NAT1: variants seen among roughly 807,000 people sequenced by gnomAD.
The protein encoded by NAT1 is N-acetyltransferase 1.
For synonymous variants in NAT1, 144 were observed against 122.6 expected (o/e 1.17, Z -1.16); for missense variants, 400 against 339.2 (o/e 1.18, Z -1.41).
At chr8:18,195,011 T>C (rs1027589247) in intron 2 of NAT1, among the ~76,000 whole-genome samples, 9 of 152,110 alleles carry the variant, frequency 5.9e-5, no homozygotes, top group African/African-American at 2.2e-4. Flanking sequence ...GTCATCCAAA[T>C]TGCTAGCAGT....
At chr8:18,194,818 T>TAAAAAA (rs57703927) in intron 2 of NAT1, among the ~76,000 whole-genome samples, 1 of 143,386 alleles carries the variant, frequency 7.0e-6, no homozygotes, top group Non-Finnish European at 1.5e-5. Context: ...GACTCTGTCT[T>TAAAAAA]AAAAAAAAAA....
intron 1 of NAT1, among the ~76,000 whole-genome samples, chr8:18,210,893 G>A (rs1018782985): frequency 6.6e-6 from 1 of 152,148 alleles, no homozygotes; most frequent in Non-Finnish European, 1.5e-5. Context: ...TCCTGCCTCA[G>A]CCTCCTGAGT....
At chr8:18,204,039 C>T (rs914996229) in intron 2 of NAT1, among the ~76,000 whole-genome samples, 1 of 152,186 alleles carries the variant, frequency 6.6e-6, no homozygotes, top group African/African-American at 2.4e-5. Flanking sequence ...CTTCCGCACG[C>T]ACTATGTAGA....
rs1017041398 is a variant in NAT1 at position 18,223,116 on chromosome 8, A to T, written c.*196A>T. 12 of 215,274 alleles carry T rather than the reference A, an allele frequency of 5.6e-5. No homozygotes were observed. The highest frequency in any genetic ancestry group is 1.8e-3 in the Middle Eastern group (1 of 566). 13.3% of individuals were successfully genotyped at this position (215,274 alleles called of 1,614,324 possible). On this transcript the variant is annotated 3_prime_UTR_variant, in exon 3 of 3. Transcript: ENST00000307719. ...ACATAACCACAAACCTTTTCAAATAATAATAATAATAATAATAAAAAATGT... is the reference window on the plus strand; with the variant it reads ...ACATAACCACAAACCTTTTCAAATATTAATAATAATAATAATAAAAAATGT...
upstream of NAT1, among the ~76,000 whole-genome samples, chr8:18,209,287 C>T (rs1164528005): frequency 2.0e-5 from 3 of 152,202 alleles, no homozygotes; most frequent in Admixed American, 6.5e-5. Context: ...TGTTCTAGAA[C>T]AGTAGGTGCC....
intron 2 of NAT1, among the ~76,000 whole-genome samples, chr8:18,176,323 A>G (rs76945825): frequency 0.066 from 10,042 of 152,142 alleles, 1,101 homozygotes; most frequent in African/African-American, 0.23. Flanking sequence ...TGATTTTCAC[A>G]GTATTGAACA....
intron 2 of NAT1, among the ~76,000 whole-genome samples, chr8:18,185,613 ATGT>A (rs1443766488): frequency 1.5e-4 from 23 of 152,138 alleles, no homozygotes; most frequent in African/African-American, 5.5e-4. Context: ...ACAAATCTTA[ATGT>A]TGTTGTTTTC....
chr8:18,183,943 C>T (rs62494026), intron 2 of NAT1, among the ~76,000 whole-genome samples: 1,573 of 152,282 alleles, frequency 0.01, 10 homozygotes, highest in Non-Finnish European at 0.016. Flanking sequence ...CTGGGTTCAG[C>T]CCACACAGCA....
chr8:18,222,020 T>C, intron 2 of NAT1, 22 bp from the exon 3 acceptor site: 2 of 1,577,250 alleles, frequency 1.3e-6, no homozygotes, highest in Non-Finnish European at 1.7e-6. Context: ...TGATTTGCTT[T>C]CGTTTTGTTT....
At chr8:18,180,107 G>A (rs1294882715) in intron 2 of NAT1, among the ~76,000 whole-genome samples, 1 of 151,408 alleles carries the variant, frequency 6.6e-6, no homozygotes, top group African/African-American at 2.4e-5. Context: ...AGCAAGGAAG[G>A]AGAATTGGGG....
At chr8:18,181,228 C>G (rs1329867984) in intron 2 of NAT1, among the ~76,000 whole-genome samples, 2 of 152,006 alleles carry the variant, frequency 1.3e-5, no homozygotes, top group Admixed American at 1.3e-4. Context: ...TTTGATTAAA[C>G]TTATGCCTAA....
intron 1 of NAT1, among the ~76,000 whole-genome samples, chr8:18,219,003 C>T (rs796838002): frequency 6.6e-6 from 1 of 152,160 alleles, no homozygotes; most frequent in African/African-American, 2.4e-5. Flanking sequence ...ATAGCTGTAC[C>T]TAGAGGAAGA....
intron 2 of NAT1, among the ~76,000 whole-genome samples, chr8:18,178,423 T>G (rs1301910854): frequency 6.6e-6 from 1 of 152,164 alleles, no homozygotes; most frequent in Non-Finnish European, 1.5e-5. Context: ...ATTTCTGGGC[T>G]GAGTTAGAAT....
intron 1 of NAT1, among the ~76,000 whole-genome samples, chr8:18,215,993 A>C (rs1804617043): frequency 6.6e-6 from 1 of 152,196 alleles, no homozygotes; most frequent in Non-Finnish European, 1.5e-5. Flanking sequence ...GATATCGAGA[A>C]GCACCGTTTT....
intron 1 of NAT1, among the ~76,000 whole-genome samples, chr8:18,213,987 G>C (rs781759751): frequency 2.0e-5 from 3 of 151,910 alleles, no homozygotes; most frequent in Non-Finnish European, 4.4e-5. Flanking sequence ...CTAACTTTTT[G>C]TATTTTTAGT....
At chr8:18,188,763 G>A (rs1802848232) in intron 2 of NAT1, among the ~76,000 whole-genome samples, 1 of 151,832 alleles carries the variant, frequency 6.6e-6, no homozygotes, top group Non-Finnish European at 1.5e-5. Context: ...CTGGGAGGCT[G>A]AGGCGGGTGG....
chr8:18,218,020 G>A (rs945683496), intron 1 of NAT1, among the ~76,000 whole-genome samples: 2 of 152,144 alleles, frequency 1.3e-5, no homozygotes, highest in Non-Finnish European at 2.9e-5. Flanking sequence ...GACTGAGACC[G>A]TAAGTGGGAG....
At position 18,222,052 on chromosome 8, in the gene NAT1, A is replaced by G. The variant is rs1182777627; in HGVS notation, c.5A>G (p.Asp2Gly). The change falls in exon 3 of 3, where the codon GAC becomes GGC. Residue 2 changes from aspartate (D) to glycine (G), a missense_variant. Transcript: ENST00000307719. ...GTTTTCCTTGCTTAGGGGATCATGGACATTGAAGCATATCTTGAAAGAATT... is the reference window on the plus strand; with the variant it reads ...GTTTTCCTTGCTTAGGGGATCATGGGCATTGAAGCATATCTTGAAAGAATT... Reference protein sequence around the residue: MDIEAYLERIGY... With the variant: MGIEAYLERIGY... The G allele has an allele frequency of 6.2e-7, 1 of 1,609,794 alleles. No homozygotes were observed. Among genetic ancestry groups the G allele is most frequent in the Non-Finnish European group, 8.5e-7 (1 of 1,177,386 alleles).
At chr8:18,214,173 C>G (rs1429382830) in intron 1 of NAT1, among the ~76,000 whole-genome samples, 1 of 152,118 alleles carries the variant, frequency 6.6e-6, no homozygotes, top group Non-Finnish European at 1.5e-5. Flanking sequence ...CCATAACTCT[C>G]ATAACTTTTC....
Sources: gnomAD v4.1 joint callset for allele counts (sites outside exome capture counted in the v4.1 genomes callset) on GRCh38, gnomAD v4.1.1 for gene constraint, MANE v1.5 for transcripts, NCBI Gene and HGNC (gene_info 2026-07-23, HGNC 2026-07-21) for gene names.